ARHGAP10: variants seen among roughly 807,000 people sequenced by gnomAD.
ARHGAP10 encodes the protein Rho GTPase activating protein 10, also known as rho GTPase-activating protein 10.
A neutral mutation model predicts 108.6 loss-of-function variants in ARHGAP10; 87 were observed. That is an observed-to-expected ratio of 0.80 (90% CI 0.67 to 0.96). The LOEUF is 0.96. Among genes scored for constraint, ARHGAP10 ranks in the 40% least tolerant of loss-of-function variants. The pLI, the probability that ARHGAP10 is intolerant of heterozygous loss-of-function variation, is 0.00. For synonymous variants in ARHGAP10, 347 were observed against 341.1 expected (o/e 1.02, Z -0.19); for missense variants, 939 against 954.5 (o/e 0.98, Z 0.21).
intron 20 of ARHGAP10, among the ~76,000 whole-genome samples, chr4:148,049,642 C>A (rs771699080): frequency 6.6e-6 from 1 of 152,076 alleles, no homozygotes; most frequent in Non-Finnish European, 1.5e-5. Flanking sequence ...GTCCGTATTT[C>A]TGCTGATACT....
At chr4:147,936,788 G>C (rs1404705772) in intron 13 of ARHGAP10, among the ~76,000 whole-genome samples, 1 of 152,126 alleles carries the variant, frequency 6.6e-6, no homozygotes, top group African/African-American at 2.4e-5. Context: ...TTATTAGCTT[G>C]CTTGGGCTGC....
intron 1 of ARHGAP10, among the ~76,000 whole-genome samples, chr4:147,756,758 A>AG (rs1157832208): frequency 2.0e-5 from 3 of 152,168 alleles, no homozygotes; most frequent in Non-Finnish European, 4.4e-5. Flanking sequence ...TCCCTGGATA[A>AG]GGGGGGACCA....
chr4:148,000,514 A>G (rs902645226), intron 18 of ARHGAP10, among the ~76,000 whole-genome samples: 56 of 152,326 alleles, frequency 3.7e-4, no homozygotes, highest in African/African-American at 1.2e-3. Flanking sequence ...GTCTTCCACA[A>G]TGGTTGAACT....
At chr4:147,759,197 C>T (rs1332728125) in intron 1 of ARHGAP10, among the ~76,000 whole-genome samples, 3 of 152,108 alleles carry the variant, frequency 2.0e-5, no homozygotes, top group Non-Finnish European at 4.4e-5. Flanking sequence ...CTTTGTTAAA[C>T]TTCCACTTAC....
intron 7 of ARHGAP10, among the ~76,000 whole-genome samples, chr4:147,872,571 C>G (rs1357369510): frequency 6.6e-6 from 1 of 152,128 alleles, no homozygotes; most frequent in Non-Finnish European, 1.5e-5. Flanking sequence ...TTGACTTCCC[C>G]CAAATTTGAC....
At chr4:147,766,112 C>T (rs1473013334) in intron 1 of ARHGAP10, among the ~76,000 whole-genome samples, 1 of 151,766 alleles carries the variant, frequency 6.6e-6, no homozygotes, top group African/African-American at 2.4e-5. Flanking sequence ...GAAACCCTGT[C>T]TTTACTGGAA....
chr4:147,962,326 G>C (rs538320289), intron 16 of ARHGAP10, among the ~76,000 whole-genome samples: 1 of 152,136 alleles, frequency 6.6e-6, no homozygotes, highest in Non-Finnish European at 1.5e-5. Flanking sequence ...ATAGTAACAC[G>C]AACAACAACA....
intron 1 of ARHGAP10, among the ~76,000 whole-genome samples, chr4:147,810,532 C>T (rs1021870456): frequency 6.6e-6 from 1 of 152,204 alleles, no homozygotes; most frequent in Non-Finnish European, 1.5e-5. Flanking sequence ...TGAACGTTTA[C>T]ATCTCATCTT....
intron 1 of ARHGAP10, among the ~76,000 whole-genome samples, chr4:147,807,834 G>A (rs944949848): frequency 3.9e-5 from 6 of 152,212 alleles, no homozygotes; most frequent in African/African-American, 1.4e-4. Flanking sequence ...GCAGTCTCCT[G>A]CCTAGTGTCC....
At chr4:147,927,131 T>A (rs1051894466) in intron 13 of ARHGAP10, among the ~76,000 whole-genome samples, 4 of 152,150 alleles carry the variant, frequency 2.6e-5, no homozygotes, top group African/African-American at 9.7e-5. Context: ...TAGTCTGACC[T>A]TTTTTTGAGG....
intron 13 of ARHGAP10, among the ~76,000 whole-genome samples, chr4:147,923,185 C>G (rs1043262075): frequency 2.6e-5 from 4 of 152,180 alleles, no homozygotes; most frequent in African/African-American, 9.7e-5. Context: ...TTTATGTCAG[C>G]ATCTTTCTGA....
At chr4:147,840,569 G>A (rs1299998157) in intron 3 of ARHGAP10, among the ~76,000 whole-genome samples, 1 of 152,200 alleles carries the variant, frequency 6.6e-6, no homozygotes, top group Non-Finnish European at 1.5e-5. Flanking sequence ...TTTGGATTCA[G>A]GCGGTATGTG....
intron 1 of ARHGAP10, among the ~76,000 whole-genome samples, chr4:147,810,297 T>G (rs375929177): frequency 6.6e-6 from 1 of 152,246 alleles, no homozygotes; most frequent in Admixed American, 6.5e-5. Context: ...GTTGGAAACA[T>G]TTTTTGGTGT....
rs1734598004 is a variant in ARHGAP10, at chr4:147,867,102, CAA to C, written c.702+289_702+290del. ...CTAAATCAGCTATGTCTGCTACAGA[CAA>C]AAGAGCACTCCACTTTAAGGCATTG... On this transcript the variant is annotated intron_variant, in intron 7 of 22. Transcript: ENST00000336498. Among the ~76,000 whole-genome samples the C allele has an allele frequency of 2.6e-5, 4 of 152,266 alleles. No homozygotes were observed. The South Asian group carries it at 6.2e-4, about 24-fold the overall frequency.
chr4:147,782,091 A>C (rs1199700945), intron 1 of ARHGAP10, among the ~76,000 whole-genome samples: 2 of 152,244 alleles, frequency 1.3e-5, no homozygotes, highest in Non-Finnish European at 2.9e-5. Context: ...TTGAATGAAG[A>C]GAACAGTTTT....
At chr4:147,906,582 A>G in intron 10 of ARHGAP10, 56 bp from the exon 11 acceptor site, 1 of 1,578,090 alleles carries the variant, frequency 6.3e-7, no homozygotes, top group Non-Finnish European at 8.7e-7. Context: ...AATCTTAGGA[A>G]AAACTTGCCT....
chr4:147,732,774 G>C (rs955716719), intron 1 of ARHGAP10, among the ~76,000 whole-genome samples: 6 of 152,168 alleles, frequency 3.9e-5, no homozygotes, highest in Middle Eastern at 3.2e-3. Context: ...ACCGACCCTA[G>C]GCACTCCTGG....
intron 1 of ARHGAP10, among the ~76,000 whole-genome samples, chr4:147,750,617 G>T (rs1254841655): frequency 2.7e-5 from 4 of 150,682 alleles, no homozygotes; most frequent in East Asian, 2.0e-4. Context: ...TTTTTTTTGG[G>T]GGGGGTTGTA....
chr4:147,914,914 G>A, intron 13 of ARHGAP10, among the ~76,000 whole-genome samples: 1 of 152,106 alleles, frequency 6.6e-6, no homozygotes, highest in East Asian at 1.9e-4. Context: ...AGACTTTGGA[G>A]ATACTAAATA....
Sources: gnomAD v4.1 joint callset for allele counts (sites outside exome capture counted in the v4.1 genomes callset) on GRCh38, gnomAD v4.1.1 for gene constraint, MANE v1.5 for transcripts, NCBI Gene and HGNC (gene_info 2026-07-23, HGNC 2026-07-21) for gene names.